Variants in RFX8 observed in about 807,000 individuals in gnomAD.
RFX8 encodes regulatory factor X8.
RFX8 carries 46 observed loss-of-function variants against 54.6 expected under a neutral mutation model. The ratio of observed to expected loss-of-function variants is 0.84; its 90% CI spans 0.67 to 1.08. The LOEUF is 1.08. Ranked by LOEUF, RFX8 falls within the 50% of genes least tolerant of loss-of-function variation. The pLI, the probability that RFX8 is intolerant of heterozygous loss-of-function variation, is 0.00. For synonymous variants in RFX8, 192 were observed against 209.5 expected, an observed-to-expected ratio of 0.92 and a Z score of 0.72; for missense variants, 536 against 562.3, an observed-to-expected ratio of 0.95 and a Z score of 0.47.
intron 2 of RFX8, among the ~76,000 whole-genome samples, chr2:101,455,101 C>T (rs1269361458): frequency 6.6e-6 from 1 of 151,796 alleles, no homozygotes; most frequent in Non-Finnish European, 1.5e-5. Flanking sequence ...ACCTCCGCCT[C>T]CCAGGTTCAA....
intron 2 of RFX8, among the ~76,000 whole-genome samples, chr2:101,448,507 C>G (rs966988080): frequency 2.0e-5 from 3 of 152,224 alleles, no homozygotes; most frequent in African/African-American, 7.2e-5. Context: ...GCCCAACGCC[C>G]TTGTAGGCCC....
chr2:101,446,072 G>A lies in RFX8; in HGVS notation c.72+20705C>T, dbSNP rs968081390. 9.9e-5 allele frequency among the ~76,000 whole-genome samples: 15 copies of A among 151,854 alleles called. 1 individual carries two copies. The highest frequency in any genetic ancestry group is 2.1e-4 in the South Asian group (1 of 4,782). Reference sequence around the variant, plus strand: ...AAATACACTTTTGTATGTTCTGAACGTGGCATTGGCAGTGAAGTTATCCTT... The same window carrying A: ...AAATACACTTTTGTATGTTCTGAACATGGCATTGGCAGTGAAGTTATCCTT... On this transcript the variant is annotated intron_variant, in intron 2 of 11. Coordinates refer to ENST00000428343, the MANE Select transcript of RFX8 (RefSeq NM_001145664.2).
chr2:101,433,266 G>A (rs866760691), intron 2 of RFX8, among the ~76,000 whole-genome samples: 5 of 152,036 alleles, frequency 3.3e-5, no homozygotes, highest in African/African-American at 4.8e-5. Flanking sequence ...ACTGGAACAC[G>A]GGGACTCAGA....
chr2:101,404,401 T>C (rs1367960804), intron 10 of RFX8, among the ~76,000 whole-genome samples: 1 of 152,098 alleles, frequency 6.6e-6, no homozygotes, highest in Admixed American at 6.6e-5. Flanking sequence ...ACAGAGAAGG[T>C]AGACTGGGAA....
intron 9 of RFX8, among the ~76,000 whole-genome samples, chr2:101,408,143 G>A (rs1685854263): frequency 6.6e-6 from 1 of 152,216 alleles, no homozygotes; most frequent in South Asian, 2.1e-4. Context: ...GGTTTACAAT[G>A]TAGGACGACA....
intron 1 of RFX8, among the ~76,000 whole-genome samples, chr2:101,469,070 ATATATATAAGTG>A (rs749817448): frequency 0.7 from 67,424 of 96,564 alleles, 22,041 homozygotes; most frequent in South Asian, 0.73. Context: ...ATATATGTAT[ATATATATAAGTG>A]TATATATATA....
intron 2 of RFX8, among the ~76,000 whole-genome samples, chr2:101,443,039 C>T (rs1011544485): frequency 2.0e-5 from 3 of 152,108 alleles, no homozygotes; most frequent in Admixed American, 2.0e-4. Context: ...TATTAACCAC[C>T]CCCAAAATTA....
chr2:101,406,553 G>A (rs759837809), intron 9 of RFX8, among the ~76,000 whole-genome samples: 3 of 152,026 alleles, frequency 2.0e-5, no homozygotes, highest in Non-Finnish European at 4.4e-5. Context: ...TGTTGCTCAA[G>A]CTGGCCTTAA....
chr2:101,438,834 G>A (rs6718832), intron 2 of RFX8, among the ~76,000 whole-genome samples: 114,878 of 151,772 alleles, frequency 0.76, 44,417 homozygotes, highest in Middle Eastern at 0.88. Flanking sequence ...TTTTTGAGAC[G>A]GAGTTTCGCT....
chr2:101,441,454 C>T (rs1688097165), intron 2 of RFX8, among the ~76,000 whole-genome samples: 1 of 152,214 alleles, frequency 6.6e-6, no homozygotes, highest in Non-Finnish European at 1.5e-5. Context: ...CACTCAGCCC[C>T]CTTGCCATGT....
chr2:101,406,532 G>T (rs1685748331), intron 9 of RFX8, among the ~76,000 whole-genome samples: 2 of 151,890 alleles, frequency 1.3e-5, no homozygotes, highest in African/African-American at 4.8e-5. Flanking sequence ...GTAGAGATAA[G>T]GGTCTCACTA....
Position 101,397,527 on chromosome 2 carries a change from T to G in RFX8, c.*21A>C. ...AATGCAAGTCTATCAGTTTTCTTATTCTCTATTCAAATAAATAATCTCACA... is the reference window on the plus strand; with the variant it reads ...AATGCAAGTCTATCAGTTTTCTTATGCTCTATTCAAATAAATAATCTCACA... On this transcript the variant is annotated 3_prime_UTR_variant, in exon 12 of 12. Coordinates refer to ENST00000428343, the MANE Select transcript of RFX8 (RefSeq NM_001145664.2). 2 of 1,469,780 alleles carry G rather than the reference T, an allele frequency of 1.4e-6. No individual in the cohort carries two copies. The highest frequency in any genetic ancestry group is 1.8e-6 in the Non-Finnish European group (2 of 1,093,510). 91.0% of individuals were successfully genotyped at this position (1,469,780 alleles called of 1,614,324 possible).
chr2:101,404,740 C>T (rs1685634087), intron 10 of RFX8, among the ~76,000 whole-genome samples: 1 of 151,998 alleles, frequency 6.6e-6, no homozygotes, highest in African/African-American at 2.4e-5. Context: ...GGCTAGATTT[C>T]TTCCCATGAT....
chr2:101,423,685 T>C (rs1159426517), intron 2 of RFX8, among the ~76,000 whole-genome samples: 1 of 152,172 alleles, frequency 6.6e-6, no homozygotes, highest in African/African-American at 2.4e-5. Context: ...ACTTATAGAA[T>C]TGCTTATGTG....
chr2:101,431,126 C>T (rs62152839), intron 2 of RFX8, among the ~76,000 whole-genome samples: 1 of 14,100 alleles, frequency 7.1e-5, no homozygotes, highest in East Asian at 1.1e-3. Context: ...ATCCATCCAT[C>T]CAACCAACCA....
intron 2 of RFX8, among the ~76,000 whole-genome samples, chr2:101,423,332 C>T (rs1254720254): frequency 4.0e-5 from 6 of 151,564 alleles, no homozygotes; most frequent in Non-Finnish European, 7.4e-5. Context: ...AAAGCAAGTG[C>T]GACATTCCTC....
At chr2:101,412,571 A>G (rs2104551362) in intron 8 of RFX8, among the ~76,000 whole-genome samples, 1 of 152,312 alleles carries the variant, frequency 6.6e-6, no homozygotes, top group African/African-American at 2.4e-5. Context: ...CTGTGTGTGT[A>G]CAACACAGAT....
intron 2 of RFX8, among the ~76,000 whole-genome samples, chr2:101,437,841 A>G (rs1687865234): frequency 7.1e-6 from 1 of 141,728 alleles, no homozygotes. Flanking sequence ...TTTCTACACA[A>G]TCGTATCACC....
rs1190217211 is a variant in RFX8, at chr2:101,469,124, G to GTA, written c.-52-2226_-52-2225dup. ...TATATATAAGTGTATATATATATAA[G>GTA]TATATATATATAAGTATATATATAT... On this transcript the variant is annotated intron_variant, in intron 1 of 11. Transcript: ENST00000428343. Among the ~76,000 whole-genome samples the GTA allele has an allele frequency of 2.1e-3, 197 of 95,658 alleles. 7 individuals are homozygous for GTA. Among genetic ancestry groups the GTA allele is most frequent in the South Asian group, 0.019 (61 of 3,294 alleles). The allele number at this position is 95,658 out of a possible 152,430, so 62.8% of individuals were successfully genotyped here.
Sources: gnomAD v4.1 joint callset for allele counts (sites outside exome capture counted in the v4.1 genomes callset) on GRCh38, gnomAD v4.1.1 for gene constraint, MANE v1.5 for transcripts, NCBI Gene and HGNC (gene_info 2026-07-23, HGNC 2026-07-21) for gene names.